Variants in OPHN1 observed in about 807,000 individuals in gnomAD.
The protein encoded by OPHN1 is oligophrenin 1, also known as oligophrenin-1.
Under a neutral mutation model 60.7 loss-of-function variants are expected in OPHN1, and 11 were observed. The ratio of observed to expected loss-of-function variants is 0.18; its 90% CI spans 0.11 to 0.30. OPHN1 has a LOEUF of 0.30. Among genes scored for constraint, OPHN1 ranks in the 10% least tolerant of loss-of-function variants. The probability of loss-of-function intolerance (pLI) is 1.00; values close to 1 mark genes in which losing one functional copy is unlikely to be tolerated. For missense variants in OPHN1, 449 were observed against 611.0 expected (o/e 0.73, Z 2.80); for synonymous variants, 226 against 222.6 (o/e 1.02, Z -0.14).
chrX:68,379,703 T>A (rs1464708881), intron 2 of OPHN1, among the ~76,000 whole-genome samples: 1 of 110,400 alleles, frequency 9.1e-6, no homozygotes, highest in East Asian at 2.8e-4. Context: ...GTTTTTTGTC[T>A]TTGGTTCTGT....
At chrX:68,394,032 A>C (rs2078670087) in intron 2 of OPHN1, among the ~76,000 whole-genome samples, 1 of 104,153 alleles carries the variant, frequency 9.6e-6, no homozygotes. Context: ...AGTAGCTGGG[A>C]CTACAGGCGC....
chrX:68,177,172 A>C lies in OPHN1; in HGVS notation c.1276+15747T>G, dbSNP rs2077418114. Among the ~76,000 whole-genome samples, 6 of 110,489 alleles carry C rather than the reference A, an allele frequency of 5.4e-5. No homozygotes were observed. The South Asian group carries it at 2.3e-3, about 42-fold the overall frequency. On this transcript the variant is annotated intron_variant, in intron 15 of 24. Coordinates refer to ENST00000355520, the MANE Select transcript of OPHN1 (RefSeq NM_002547.3). ...TATGAGGCACTTAGAGTAGTCAAACACATAGAGACAGGAAATAGAATGTTG... is the reference window on the plus strand; with the variant it reads ...TATGAGGCACTTAGAGTAGTCAAACCCATAGAGACAGGAAATAGAATGTTG...
chrX:68,246,057 G>A (rs776709863), intron 5 of OPHN1, among the ~76,000 whole-genome samples: 170 of 111,231 alleles, frequency 1.5e-3, no homozygotes, highest in Non-Finnish European at 1.8e-3. Context: ...CACCCACCTC[G>A]GCCTCTCAAA....
At chrX:68,056,067 C>A (rs959287373) in intron 21 of OPHN1, among the ~76,000 whole-genome samples, 1 of 110,357 alleles carries the variant, frequency 9.1e-6, no homozygotes, top group Non-Finnish European at 1.9e-5. Flanking sequence ...CAAACCTGCA[C>A]GTTGTACACA....
chrX:68,279,143 C>T (rs1196108131), intron 4 of OPHN1, among the ~76,000 whole-genome samples: 3 of 65,154 alleles, frequency 4.6e-5, no homozygotes, highest in Non-Finnish European at 7.8e-5. Flanking sequence ...TTTGGCAGGG[C>T]CTTACTCGCC....
chrX:68,083,647 G>T (rs2076983941), intron 19 of OPHN1, among the ~76,000 whole-genome samples: 1 of 112,525 alleles, frequency 8.9e-6, no homozygotes, highest in South Asian at 3.7e-4. Context: ...TTTGGCACAA[G>T]AGGCCTAGCT....
intron 2 of OPHN1, among the ~76,000 whole-genome samples, chrX:68,327,807 A>T (rs2362528): frequency 0.2 from 19,196 of 96,003 alleles, 3,108 homozygotes; most frequent in African/African-American, 0.45. Context: ...TAAAAAAAAA[A>T]AAAAAAAAAA....
At chrX:68,368,930 T>C (rs1034776372) in intron 2 of OPHN1, among the ~76,000 whole-genome samples, 11 of 111,824 alleles carry the variant, frequency 9.8e-5, no homozygotes, top group Admixed American at 7.7e-4. Context: ...AAAAAATTGC[T>C]GGGCACAGTG....
At chrX:68,115,077 A>G (rs749708106) in intron 16 of OPHN1, among the ~76,000 whole-genome samples, 19 of 112,421 alleles carry the variant, frequency 1.7e-4, no homozygotes, top group African/African-American at 3.2e-5. Context: ...GCAGTCAAAC[A>G]GCTACATGAG....
chrX:68,170,738 C>T (rs1235905760), intron 15 of OPHN1, among the ~76,000 whole-genome samples: 15 of 89,375 alleles, frequency 1.7e-4, no homozygotes, highest in African/African-American at 6.6e-4. Context: ...ACAATGAGAA[C>T]ACATGGACAC....
chrX:68,130,377 TTAA>T (rs779223605), intron 15 of OPHN1, among the ~76,000 whole-genome samples: 1 of 111,667 alleles, frequency 9.0e-6, no homozygotes, highest in Admixed American at 9.6e-5. Flanking sequence ...GTCAAGATTA[TTAA>T]TAATATTTAT....
At chrX:68,078,023 T>C (rs2076959850) in intron 19 of OPHN1, among the ~76,000 whole-genome samples, 1 of 111,834 alleles carries the variant, frequency 8.9e-6, no homozygotes, top group South Asian at 3.8e-4. Context: ...TGAGTATAGT[T>C]GTCATGATCA....
intron 15 of OPHN1, among the ~76,000 whole-genome samples, chrX:68,167,245 G>A (rs1239604278): frequency 1.8e-5 from 2 of 111,118 alleles, no homozygotes; most frequent in African/African-American, 6.5e-5. Context: ...ATATGAAAAG[G>A]TGCTTAATGT....
At chrX:68,411,498 G>T (rs185118711) in intron 2 of OPHN1, among the ~76,000 whole-genome samples, 1 of 111,822 alleles carries the variant, frequency 8.9e-6, no homozygotes, top group African/African-American at 3.2e-5. Flanking sequence ...TGTGGTTTTG[G>T]TTTACATTTC....
At position 68,204,020 on chromosome X, in the gene OPHN1, C is replaced by T. The variant is rs754236972; in HGVS notation, c.934-2310G>A. Among the ~76,000 whole-genome samples, 8 of 112,812 alleles carry T rather than the reference C, an allele frequency of 7.1e-5. No homozygotes were observed. In the South Asian group the frequency reaches 1.4e-3, roughly 20 times the overall value. ...TCATCTTTATACCTCCAGTATCTTG[C>T]AAATACTTAGTGCTCAATGAATGTT... On this transcript the variant is annotated intron_variant, in intron 10 of 24. Transcript: ENST00000355520.
chrX:68,299,481 T>C lies in OPHN1; in HGVS notation c.155-385A>G, dbSNP rs770933790. Among the ~76,000 whole-genome samples, 3 of 111,783 alleles carry C rather than the reference T, an allele frequency of 2.7e-5. No homozygotes were observed. The South Asian group carries it at 1.1e-3, about 42-fold the overall frequency. On this transcript the variant is annotated intron_variant, in intron 2 of 24. Coordinates refer to ENST00000355520, the MANE Select transcript of OPHN1 (RefSeq NM_002547.3). ...AATACACTAGATGCTTTCCATTTTA[T>C]ACGTGTGGAGTTCAAAGTCCCAGAG... is the stretch of plus-strand genomic sequence containing the variant.
chrX:68,395,017 G>A (rs955053282), intron 2 of OPHN1, among the ~76,000 whole-genome samples: 1 of 110,172 alleles, frequency 9.1e-6, no homozygotes, highest in Non-Finnish European at 1.9e-5. Context: ...GTACAGTGGC[G>A]TGATCTCAGC....
chrX:68,075,547 G>T (rs1328150317), intron 19 of OPHN1, among the ~76,000 whole-genome samples: 2 of 110,341 alleles, frequency 1.8e-5, no homozygotes, highest in Non-Finnish European at 3.8e-5. Context: ...TCTTGAAAAA[G>T]AAAAACAAAG....
intron 2 of OPHN1, among the ~76,000 whole-genome samples, chrX:68,362,990 G>A (rs1392135012): frequency 9.0e-6 from 1 of 111,010 alleles, no homozygotes; most frequent in Non-Finnish European, 1.9e-5. Flanking sequence ...GCTCACATCT[G>A]AAATCCCAGC....
Sources: gnomAD v4.1 joint callset for allele counts (sites outside exome capture counted in the v4.1 genomes callset) on GRCh38, gnomAD v4.1.1 for gene constraint, MANE v1.5 for transcripts, NCBI Gene and HGNC (gene_info 2026-07-23, HGNC 2026-07-21) for gene names.